The following PPARA variants were observed in gnomAD, a reference collection of about 807,000 sequenced individuals.
PPARA encodes peroxisome proliferator-activated receptor alpha.
A neutral mutation model predicts 42.2 loss-of-function variants in PPARA; 22 were observed. The ratio of observed to expected loss-of-function variants is 0.52; its 90% CI spans 0.37 to 0.74. PPARA has a LOEUF of 0.74. PPARA is among the 30% of genes least tolerant of loss of function. PPARA has a pLI of 0.00. For missense variants in PPARA, 465 were observed against 608.2 expected (o/e 0.76, Z 2.48); for synonymous variants, 242 against 239.3 (o/e 1.01, Z -0.10).
Position 46,200,836 on chromosome 22 carries a change from A to T in PPARA, c.208+2245A>T, listed in dbSNP as rs142237213. On this transcript the variant is annotated intron_variant, in intron 4 of 8. Transcript: ENST00000407236. This position sits in a 1 kb window ranked among gnomAD's most constrained non-coding sequence, Gnocchi z 4.8. ...TACTCAGGAGGCTGAGGCAGGGAGAATTGCTTGAACCCAGGAGGCAGAGGT... is the reference window on the plus strand; with the variant it reads ...TACTCAGGAGGCTGAGGCAGGGAGATTTGCTTGAACCCAGGAGGCAGAGGT... 0.022 allele frequency among the ~76,000 whole-genome samples: 3,417 copies of T among 152,152 alleles called. 50 individuals are homozygous for T. Among genetic ancestry groups the T allele is most frequent in the Middle Eastern group, 0.048 (14 of 294 alleles).
intron 3 of PPARA, among the ~76,000 whole-genome samples, chr22:46,197,394 ATAT>A (rs1932396454): frequency 6.6e-6 from 1 of 152,096 alleles, no homozygotes. Flanking sequence ...CACCTCAAAC[ATAT>A]TGTACGGAGC....
At chr22:46,197,673 G>A (rs1026565436) in intron 3 of PPARA, among the ~76,000 whole-genome samples, 1 of 151,834 alleles carries the variant, frequency 6.6e-6, no homozygotes, top group African/African-American at 2.4e-5. Flanking sequence ...AGGCCGAGGC[G>A]GGCGGATCAC....
At chr22:46,215,634 C>T (rs770784187) in intron 5 of PPARA, among the ~76,000 whole-genome samples, 3 of 151,604 alleles carry the variant, frequency 2.0e-5, no homozygotes, top group Non-Finnish European at 2.9e-5. Flanking sequence ...CCCAGCTACT[C>T]GAGAGGCAAA....
At position 46,238,846 on chromosome 22, in the gene PPARA, C is replaced by G. The variant is rs982001105; in HGVS notation, c.*3466C>G. ...CGGAGAACTGTGCAGGGCCTAAGGC[C>G]GTTTGGATGAATTGTCAAAACAAGA... On this transcript the variant is annotated 3_prime_UTR_variant, in exon 9 of 9. Transcript: ENST00000407236. This position sits in a 1 kb window ranked among gnomAD's most constrained non-coding sequence, Gnocchi z 8.3. 1.3e-5 allele frequency: 2 copies of G among 152,268 alleles called. No homozygotes were observed. Among genetic ancestry groups the G allele is most frequent in the African/African-American group, 4.8e-5 (2 of 41,436 alleles). 9.4% of individuals were successfully genotyped at this position (152,268 alleles called of 1,614,324 possible).
rs1249416638 is a variant in PPARA, at chr22:46,187,403, A to C, written c.-43+10567A>C. 6.6e-6 allele frequency among the ~76,000 whole-genome samples: 1 copy of C among 151,846 alleles called. No individual in the cohort carries two copies. The highest frequency in any genetic ancestry group is 1.5e-5 in the Non-Finnish European group (1 of 67,974). On this transcript the variant is annotated intron_variant, in intron 3 of 8. Transcript: ENST00000407236. This position sits in a 1 kb window ranked among gnomAD's most constrained non-coding sequence, Gnocchi z 4.9. Reference sequence around the variant, plus strand: ...AAGCCAGAGCATACATTCATCCTAGACTCTGTCCCAGGTCCCTGGTCCAGG... The same window carrying C: ...AAGCCAGAGCATACATTCATCCTAGCCTCTGTCCCAGGTCCCTGGTCCAGG...
rs145736745 is a variant in PPARA, at chr22:46,174,034, T to C, written c.-126-2719T>C. 4.9e-3 allele frequency among the ~76,000 whole-genome samples: 355 copies of C among 72,148 alleles called. 2 individuals are homozygous for C. The highest frequency in any genetic ancestry group is 6.3e-3 in the Non-Finnish European group (250 of 39,434). 47.3% of individuals were successfully genotyped at this position (72,148 alleles called of 152,430 possible). A position where few individuals can be genotyped will look rare whatever the true frequency, so the allele number is the denominator to read the frequency against. On this transcript the variant is annotated intron_variant, in intron 2 of 8. Transcript: ENST00000407236. Reference sequence around the variant, plus strand: ...CTCTACTAAAATACAAAGAATTAGCTGGGCGTGGTGGTGCACGTCTGTAGT... The same window carrying C: ...CTCTACTAAAATACAAAGAATTAGCCGGGCGTGGTGGTGCACGTCTGTAGT...
At chr22:46,170,842 TC>T (rs1927909647) in intron 2 of PPARA, among the ~76,000 whole-genome samples, 1 of 151,522 alleles carries the variant, frequency 6.6e-6, no homozygotes, top group African/African-American at 2.4e-5. Context: ...TGGGATGCAT[TC>T]CTGGCAGAAA....
Position 46,224,567 on chromosome 22 carries a change from G to T in PPARA, c.711+4553G>T, listed in dbSNP as rs1405644163. Among the ~76,000 whole-genome samples, 1 of 152,206 alleles carries T rather than the reference G, an allele frequency of 6.6e-6. No individual in the cohort carries two copies. The highest frequency in any genetic ancestry group is 1.5e-5 in the Non-Finnish European group (1 of 68,048). ...CAGCCTGGGTGACCTCACAGCCCCA[G>T]CCACGCCCCACAGAGCCTCAGGAAG... On this transcript the variant is annotated intron_variant, in intron 7 of 8. Transcript: ENST00000407236. The surrounding 1 kb of genome is among the most constrained non-coding windows in gnomAD (Gnocchi z 5.7).
chr22:46,169,679 G>T (rs1338806964), intron 2 of PPARA, among the ~76,000 whole-genome samples: 3 of 151,956 alleles, frequency 2.0e-5, no homozygotes, highest in Non-Finnish European at 4.4e-5. Flanking sequence ...CTTTTATAGT[G>T]TATCTATATC....
At position 46,235,601 on chromosome 22, in the gene PPARA, A is replaced by G; in HGVS notation, c.*221A>G. Reference sequence around the variant, plus strand: ...ATGCTGGGGGTAGGTGGCTAATCTCAGGACTGGGAAGATTACGGCGAATTA... The same window carrying G: ...ATGCTGGGGGTAGGTGGCTAATCTCGGGACTGGGAAGATTACGGCGAATTA... On this transcript the variant is annotated 3_prime_UTR_variant, in exon 9 of 9. Coordinates refer to ENST00000407236, the MANE Select transcript of PPARA (RefSeq NM_005036.6). The surrounding 1 kb of genome is among the most constrained non-coding windows in gnomAD (Gnocchi z 7.0). 1 of 595,840 alleles carries G rather than the reference A, an allele frequency of 1.7e-6. No homozygotes were observed. The highest frequency in any genetic ancestry group is 2.9e-6 in the Non-Finnish European group (1 of 341,286). 36.9% of individuals were successfully genotyped at this position (595,840 alleles called of 1,614,324 possible).
In PPARA at chr22:46,191,384, C is replaced by G. The variant is rs1260720105; in HGVS notation, c.-42-6958C>G. ...AAACTACTTTACTCTTAATACAAACCACTTCCTTTTATCACAGGACGCTTC... is the reference window on the plus strand; with the variant it reads ...AAACTACTTTACTCTTAATACAAACGACTTCCTTTTATCACAGGACGCTTC... On this transcript the variant is annotated intron_variant, in intron 3 of 8. Transcript: ENST00000407236. This position sits in a 1 kb window ranked among gnomAD's most constrained non-coding sequence, Gnocchi z 4.6. Among the ~76,000 whole-genome samples, 1 of 152,024 alleles carries G rather than the reference C, an allele frequency of 6.6e-6. No individual in the cohort carries two copies. The highest frequency in any genetic ancestry group is 2.4e-5 in the African/African-American group (1 of 41,388).
In PPARA at chr22:46,236,947, T is replaced by C. The variant is rs997545372; in HGVS notation, c.*1567T>C. On this transcript the variant is annotated 3_prime_UTR_variant, in exon 9 of 9. Coordinates refer to ENST00000407236, the MANE Select transcript of PPARA (RefSeq NM_005036.6). The surrounding 1 kb of genome is among the most constrained non-coding windows in gnomAD (Gnocchi z 5.2). Reference sequence around the variant, plus strand: ...GTCCAGCTGGGAAGGCAGCGTTGATTATGGTAGTTTGTCAAGAATATATGG... The same window carrying C: ...GTCCAGCTGGGAAGGCAGCGTTGATCATGGTAGTTTGTCAAGAATATATGG... 1 of 152,162 alleles carries C rather than the reference T, an allele frequency of 6.6e-6. No homozygotes were observed. Among genetic ancestry groups the C allele is most frequent in the African/African-American group, 2.4e-5 (1 of 41,436 alleles). 9.4% of individuals were successfully genotyped at this position (152,162 alleles called of 1,614,324 possible).
rs1442542535 is a variant in PPARA, at chr22:46,171,785, G to A, written c.-126-4968G>A. Among the ~76,000 whole-genome samples, 5 of 152,304 alleles carry A rather than the reference G, an allele frequency of 3.3e-5. No individual in the cohort carries two copies. Among genetic ancestry groups the A allele is most frequent in the South Asian group, 2.1e-4 (1 of 4,826 alleles). On this transcript the variant is annotated intron_variant, in intron 2 of 8. Transcript: ENST00000407236. The surrounding 1 kb of genome is among the most constrained non-coding windows in gnomAD (Gnocchi z 5.0). The stretch of plus-strand genomic sequence containing the variant: ...GACCAGTCTCGTGGAGGTCGGGGCC[G>A]TTGTGAGGACTCTGGTTTGTGTTGT...
Position 46,232,431 on chromosome 22 carries a change from A to G in PPARA, c.1159+192A>G, listed in dbSNP as rs1299221168. 6.6e-6 allele frequency among the ~76,000 whole-genome samples: 1 copy of G among 151,960 alleles called. No homozygotes were observed. The highest frequency in any genetic ancestry group is 1.5e-5 in the Non-Finnish European group (1 of 67,992). ...TTATAACAATATTGTATAATATTAT[A>G]GTATATATTGTTATTATCTATAAAT... On this transcript the variant is annotated intron_variant, in intron 8 of 8. Transcript: ENST00000407236. This position sits in a 1 kb window ranked among gnomAD's most constrained non-coding sequence, Gnocchi z 5.3.
Position 46,182,442 on chromosome 22 carries a change from A to C in PPARA, c.-43+5606A>C, listed in dbSNP as rs1930099286. ...ATGCTGAAATAATTGTGCTGAGTAAAAGAAGACAGGAAAAATAAGTATAAT... is the reference window on the plus strand; with the variant it reads ...ATGCTGAAATAATTGTGCTGAGTAACAGAAGACAGGAAAAATAAGTATAAT... On this transcript the variant is annotated intron_variant, in intron 3 of 8. Transcript: ENST00000407236. This position sits in a 1 kb window ranked among gnomAD's most constrained non-coding sequence, Gnocchi z 5.2. Among the ~76,000 whole-genome samples the C allele has an allele frequency of 6.6e-6, 1 of 152,222 alleles. No homozygotes were observed. The highest frequency in any genetic ancestry group is 1.5e-5 in the Non-Finnish European group (1 of 68,048).
rs750619393 is a variant in PPARA, at chr22:46,211,001, T to A, written c.209-4172T>A. Reference sequence around the variant, plus strand: ...CCCCATGACTTCAGTGATCTTCCACTGTGGGAGGCGAGAGCAGGACTATAT... The same window carrying A: ...CCCCATGACTTCAGTGATCTTCCACAGTGGGAGGCGAGAGCAGGACTATAT... On this transcript the variant is annotated intron_variant, in intron 4 of 8. Transcript: ENST00000407236. The surrounding 1 kb of genome is among the most constrained non-coding windows in gnomAD (Gnocchi z 4.1). 2.0e-5 allele frequency among the ~76,000 whole-genome samples: 3 copies of A among 152,182 alleles called. No homozygotes were observed. The highest frequency in any genetic ancestry group is 4.4e-5 in the Non-Finnish European group (3 of 68,026).
chr22:46,215,450 A>C, intron 5 of PPARA, 117 bp downstream of exon 5: 1 of 1,386,056 alleles, frequency 7.2e-7, no homozygotes, highest in Non-Finnish European at 1.0e-6. Context: ...TAAGAAACTG[A>C]CTTCAGGCCA....
At chr22:46,159,817 A>T (rs1031022480) in intron 2 of PPARA, among the ~76,000 whole-genome samples, 14 of 152,224 alleles carry the variant, frequency 9.2e-5, no homozygotes, top group African/African-American at 2.7e-4. Context: ...GAAGCCAAGG[A>T]TCCTTGAGAG....
At chr22:46,226,659 C>T (rs886156870) in intron 7 of PPARA, among the ~76,000 whole-genome samples, 4 of 152,018 alleles carry the variant, frequency 2.6e-5, no homozygotes, top group South Asian at 2.1e-4. Context: ...CAGAGTAAAA[C>T]GTCTTGTTTA....
Sources: gnomAD v4.1 joint callset for allele counts (sites outside exome capture counted in the v4.1 genomes callset) on GRCh38, gnomAD v4.1.1 for gene constraint, Gnocchi (gnomAD v3.1) non-coding constraint, MANE v1.5 for transcripts, NCBI Gene and HGNC (gene_info 2026-07-23, HGNC 2026-07-21) for gene names.